MESP1: variants seen among roughly 807,000 people sequenced by gnomAD.
MESP1 encodes the protein mesoderm posterior bHLH transcription factor 1.
In MESP1, 22 loss-of-function variants were observed where a neutral mutation model predicts 15.2. That is an observed-to-expected ratio of 1.45 (90% CI 1.04 to 2.07). The LOEUF is 2.07. Among genes scored for constraint, MESP1 ranks in the 30% most tolerant of loss-of-function variants. The probability of loss-of-function intolerance (pLI) is 0.00; values close to 1 mark genes in which losing one functional copy is unlikely to be tolerated. For missense variants in MESP1, 484 were observed against 411.9 expected, an observed-to-expected ratio of 1.17 and a Z score of -1.51; for synonymous variants, 216 against 192.6, an observed-to-expected ratio of 1.12 and a Z score of -1.01.
the MESP1 span, among the ~76,000 whole-genome samples, chr15:89,739,115 CA>C: frequency 0.53 from 67,377 of 127,094 alleles, 16,010 homozygotes; most frequent in South Asian, 0.61. Context: ...GACCCTGCCT[CA>C]AAAAAAAAAA....
In MESP1 at chr15:89,751,072, T is replaced by C; in HGVS notation, c.160A>G (p.Ser54Gly). The change falls in exon 1 of 2, where the codon AGC becomes GGC. Residue 54 changes from serine to glycine, a missense_variant. Coordinates refer to ENST00000300057, the MANE Select transcript of MESP1 (RefSeq NM_018670.4). Reference protein sequence around the residue: ...GSTPADSPVASPARPGTLRDP... With the variant: ...GSTPADSPVAGPARPGTLRDP... ...CGGAGGGTGCCTGGCCGCGCGGGGC[T>C]CGCCACGGGGCTGTCGGCTGGGGTG... is the stretch of plus-strand genomic sequence containing the variant. The C allele has an allele frequency of 7.6e-7, 1 of 1,323,396 alleles. No individual in the cohort carries two copies. The highest frequency in any genetic ancestry group is 9.6e-7 in the Non-Finnish European group (1 of 1,042,190). The allele number at this position is 1,323,396 out of a possible 1,614,324, so 82.0% of individuals were successfully genotyped here. A position where few individuals can be genotyped will look rare whatever the true frequency, so the allele number is the denominator to read the frequency against.
the MESP1 span, among the ~76,000 whole-genome samples, chr15:89,738,894 T>G: frequency 2.6e-5 from 4 of 152,094 alleles, no homozygotes; most frequent in East Asian, 7.8e-4. Flanking sequence ...GTGGGCAGAT[T>G]GCTTGAGCTC....
the MESP1 span, among the ~76,000 whole-genome samples, chr15:89,737,295 G>A: frequency 6.6e-6 from 1 of 152,226 alleles, no homozygotes. Context: ...CTCTTCAGCA[G>A]AGAAGCAGAG....
downstream of MESP1, among the ~76,000 whole-genome samples, chr15:89,747,421 T>C (rs1266770471): frequency 6.6e-6 from 1 of 152,192 alleles, no homozygotes; most frequent in Admixed American, 6.5e-5. Flanking sequence ...TAGGTGGCCC[T>C]GTGAAAGCAG....
At chr15:89,740,523 CAG>C in the MESP1 span, among the ~76,000 whole-genome samples, 2 of 151,772 alleles carry the variant, frequency 1.3e-5, no homozygotes, top group East Asian at 3.9e-4. Context: ...GTTTTTGAAA[CAG>C]AGTTTCACTC....
intron 1 of MESP1, 138 bp from the exon 2 acceptor site, chr15:89,750,365 T>A (rs1968059669): frequency 6.7e-7 from 1 of 1,488,412 alleles, no homozygotes; most frequent in Non-Finnish European, 9.0e-7. Flanking sequence ...CTGCCTTCGC[T>A]TCTTGGAGCC....
the MESP1 span, among the ~76,000 whole-genome samples, chr15:89,736,280 C>T: frequency 1.1e-4 from 17 of 152,306 alleles, no homozygotes; most frequent in Non-Finnish European, 2.2e-4. Flanking sequence ...CCAGTCCTTA[C>T]AGGGCCCACT....
chr15:89,744,611 G>C, the MESP1 span, among the ~76,000 whole-genome samples: 1 of 152,236 alleles, frequency 6.6e-6, no homozygotes, highest in African/African-American at 2.4e-5. Context: ...AGGGAACTGA[G>C]ACTCAGGTGA....
the MESP1 span, chr15:89,737,831 C>T: frequency 2.0e-6 from 3 of 1,519,884 alleles, no homozygotes; most frequent in Non-Finnish European, 1.8e-6. Context: ...CTCTGTGTCC[C>T]CCTCTACCAT....
the MESP1 span, chr15:89,733,371 A>T: frequency 2.0e-5 from 14 of 710,188 alleles, no homozygotes; most frequent in Non-Finnish European, 2.7e-5. Context: ...CCAATGTCAC[A>T]TATATGTTAC....
the MESP1 span, chr15:89,743,280 T>G: frequency 1.9e-6 from 3 of 1,614,042 alleles, no homozygotes; most frequent in Middle Eastern, 1.6e-4. Flanking sequence ...ATCACAGTTG[T>G]GTGGCCCTCA....
the MESP1 span, chr15:89,737,525 G>T: frequency 1.2e-6 from 2 of 1,610,990 alleles, no homozygotes; most frequent in African/African-American, 1.3e-5. Context: ...CTTCCTGTGA[G>T]GGACAGAGTC....
chr15:89,737,810 T>C, the MESP1 span: 1 of 1,572,676 alleles, frequency 6.4e-7, no homozygotes, highest in African/African-American at 1.4e-5. Flanking sequence ...GCCCCTCCGA[T>C]CTCCTCCCCA....
At chr15:89,733,435 A>C in the MESP1 span, among the ~76,000 whole-genome samples, 2 of 151,358 alleles carry the variant, frequency 1.3e-5, no homozygotes, top group South Asian at 2.1e-4. Context: ...CTATGGTTTG[A>C]CTCTCCCCTC....
the MESP1 span, among the ~76,000 whole-genome samples, chr15:89,740,287 G>C: frequency 1.3e-5 from 2 of 152,126 alleles, no homozygotes; most frequent in Non-Finnish European, 2.9e-5. Flanking sequence ...GCACTTAACA[G>C]GGGCGTTCAA....
chr15:89,746,375 C>CAG (rs554277007), downstream of MESP1, among the ~76,000 whole-genome samples: 1 of 144,714 alleles, frequency 6.9e-6, no homozygotes, highest in Non-Finnish European at 1.5e-5. Context: ...AGCATCCACA[C>CAG]CTCCACACAT....
intron 1 of MESP1, 88 bp from the exon 2 acceptor site, chr15:89,750,315 C>A: frequency 6.3e-7 from 1 of 1,576,816 alleles, no homozygotes; most frequent in Non-Finnish European, 8.7e-7. Flanking sequence ...CTCAGGGGGC[C>A]CCTAGCGAGG....
At chr15:89,745,178 C>T (rs903189484), downstream of MESP1, among the ~76,000 whole-genome samples, 6 of 152,212 alleles carry the variant, frequency 3.9e-5, no homozygotes, top group Admixed American at 1.3e-4. This position sits in a 1 kb window ranked among gnomAD's most constrained non-coding sequence, Gnocchi z 4.8. Flanking sequence ...TCTGCCAAGA[C>T]ATGTGCTGCC....
At chr15:89,740,968 C>T in the MESP1 span, among the ~76,000 whole-genome samples, 1 of 151,850 alleles carries the variant, frequency 6.6e-6, no homozygotes, top group Non-Finnish European at 1.5e-5. Flanking sequence ...GGTGAAACCC[C>T]GTCTCTACTA....
Sources: gnomAD v4.1 joint callset for allele counts (sites outside exome capture counted in the v4.1 genomes callset) on GRCh38, gnomAD v4.1.1 for gene constraint, Gnocchi (gnomAD v3.1) non-coding constraint, MANE v1.5 for transcripts, NCBI Gene and HGNC (gene_info 2026-07-23, HGNC 2026-07-21) for gene names.